KIAA1549: variants seen among roughly 807,000 people sequenced by gnomAD.
KIAA1549 encodes the protein KIAA1549, also known as UPF0606 protein KIAA1549.
In KIAA1549, 70 loss-of-function variants were observed where a neutral mutation model predicts 156.4. That is an observed-to-expected ratio of 0.45 (90% CI 0.37 to 0.55). The LOEUF is 0.55. Among genes scored for constraint, KIAA1549 ranks in the 20% least tolerant of loss-of-function variants. The pLI, the probability that KIAA1549 is intolerant of heterozygous loss-of-function variation, is 0.00. For missense variants in KIAA1549, 2,428 were observed against 2,540.9 expected, an observed-to-expected ratio of 0.96 and a Z score of 0.96; for synonymous variants, 1,103 against 1,066.4, an observed-to-expected ratio of 1.03 and a Z score of -0.67.
Position 138,943,624 on chromosome 7 carries a change from T to C in KIAA1549, c.188-24186A>G, listed in dbSNP as rs573694968. On this transcript the variant is annotated intron_variant, in intron 1 of 19. Coordinates refer to ENST00000422774, the MANE Select transcript of KIAA1549 (RefSeq NM_001164665.2). ...CAGCACTTTGGGAGGCCAAGGCGGG[T>C]GGATCACAAGGTCAGGAGATCGAGA... Among the ~76,000 whole-genome samples, 11 of 151,968 alleles carry C rather than the reference T, an allele frequency of 7.2e-5. No individual in the cohort carries two copies. The East Asian group carries it at 7.7e-4, about 11-fold the overall frequency.
chr7:138,947,387 C>T (rs1234998814), intron 1 of KIAA1549, among the ~76,000 whole-genome samples: 3 of 152,070 alleles, frequency 2.0e-5, no homozygotes, highest in South Asian at 2.1e-4. Context: ...AACCCGAAAA[C>T]GCTGAATGTT....
intron 1 of KIAA1549, among the ~76,000 whole-genome samples, chr7:138,926,632 T>C (rs1295532826): frequency 6.6e-6 from 1 of 152,142 alleles, no homozygotes; most frequent in Non-Finnish European, 1.5e-5. Flanking sequence ...GGCAGATTTT[T>C]AGTGCCGTTA....
At chr7:138,952,426 CACAG>C (rs916309842) in intron 1 of KIAA1549, among the ~76,000 whole-genome samples, 3 of 152,128 alleles carry the variant, frequency 2.0e-5, no homozygotes, top group Non-Finnish European at 2.9e-5. Context: ...AGTTTGAGAG[CACAG>C]ACAAACAAAC....
rs1467765396 is a variant in KIAA1549, at chr7:138,917,273, G to C, written c.2353C>G (p.Gln785Glu). Residue 785 changes from glutamine to glutamate, a missense_variant, in exon 2 of 20, where the codon CAA becomes GAA. Gln to Glu is a conservative substitution (Grantham distance 29). Around this residue, in one of 5 missense-constraint regions of KIAA1549, gnomAD observed 762 missense variants for 901.6 expected, o/e 0.85. Transcript: ENST00000422774. ...ESFDILTAGI[Q>E]ATSPLTTVHT... is the part of the protein sequence containing the mutation. ...ACAGTGGTCAATGGTGATGTTGCTTGAATCCCGGCAGTCAAAATGTCAAAA... is the reference window on the plus strand; with the variant it reads ...ACAGTGGTCAATGGTGATGTTGCTTCAATCCCGGCAGTCAAAATGTCAAAA... The C allele has an allele frequency of 6.2e-7, 1 of 1,613,898 alleles. No individual in the cohort carries two copies. Among genetic ancestry groups the C allele is most frequent in the Non-Finnish European group, 8.5e-7 (1 of 1,179,832 alleles).
intron 10 of KIAA1549, among the ~76,000 whole-genome samples, chr7:138,888,528 C>T (rs10256592): frequency 0.024 from 3,726 of 152,318 alleles, 150 homozygotes; most frequent in African/African-American, 0.085. Context: ...CGTTTGGATT[C>T]TACCATAATG....
In KIAA1549 at chr7:138,881,542, G is replaced by A; in HGVS notation, c.4075C>T (p.His1359Tyr). Residue 1359 changes from histidine (H) to tyrosine (Y), a missense_variant, in exon 11 of 20, where the codon CAT becomes TAT. His to Tyr is a moderately conservative substitution (Grantham distance 83). Coordinates refer to ENST00000422774, the MANE Select transcript of KIAA1549 (RefSeq NM_001164665.2). ...SVKGFDFAKQ[H>Y]LGQHNKDDIL... is the part of the protein sequence containing the mutation. ...TCGTCTTTATTGTGCTGACCCAGAT[G>A]CTGCTTAGCAAAATCGAAGCCCTTC... 6.2e-7 allele frequency: 1 copy of A among 1,613,906 alleles called. No homozygotes were observed. The highest frequency in any genetic ancestry group is 8.5e-7 in the Non-Finnish European group (1 of 1,179,866).
intron 18 of KIAA1549, among the ~76,000 whole-genome samples, chr7:138,841,892 TAA>T (rs201550744): frequency 5.6e-5 from 8 of 141,624 alleles, no homozygotes; most frequent in Non-Finnish European, 3.0e-5. Flanking sequence ...CAACCACATT[TAA>T]AAAAAAAAAA....
rs767020306 is a variant in KIAA1549 at position 138,918,197 on chromosome 7, C to A, written c.1429G>T (p.Asp477Tyr). 1.9e-6 allele frequency: 3 copies of A among 1,613,766 alleles called. No homozygotes were observed. Among genetic ancestry groups the A allele is most frequent in the Non-Finnish European group, 2.5e-6 (3 of 1,179,780 alleles). Residue 477 changes from aspartate to tyrosine, a missense_variant, in exon 2 of 20, where the codon GAT (aspartate) becomes TAT (tyrosine). Physicochemically the swap from Asp to Tyr is radical, Grantham distance 160 (BLOSUM62 -3). This residue lies in a region of KIAA1549 where 893 missense variants were observed against 847.9 expected (regional missense o/e 1.05). Coordinates refer to ENST00000422774, the MANE Select transcript of KIAA1549 (RefSeq NM_001164665.2). The surrounding 1 kb of genome is among the most constrained non-coding windows in gnomAD (Gnocchi z 4.2). ...VVADFSEFEEDPQVFNTLFPS... is the reference protein window; with the variant it reads ...VVADFSEFEEYPQVFNTLFPS... ...AAAAGCGTATTAAATACTTGAGGAT[C>A]TTCCTCAAATTCAGAGAAGTCTGCT...
At chr7:138,885,026 T>A (rs998764469) in intron 10 of KIAA1549, among the ~76,000 whole-genome samples, 4 of 152,156 alleles carry the variant, frequency 2.6e-5, no homozygotes, top group African/African-American at 9.7e-5. Context: ...AGAAACCTCA[T>A]CTCTACTAAA....
chr7:138,895,582 G>C (rs934402188), intron 9 of KIAA1549, among the ~76,000 whole-genome samples: 9 of 151,944 alleles, frequency 5.9e-5, no homozygotes, highest in Non-Finnish European at 1.3e-4. Context: ...AAAACTCATA[G>C]AAAGCTTCTG....
intron 1 of KIAA1549, among the ~76,000 whole-genome samples, chr7:138,940,643 T>A (rs1813157119): frequency 6.6e-6 from 1 of 152,022 alleles, no homozygotes; most frequent in South Asian, 2.1e-4. Context: ...AGTGTAAAAG[T>A]GTTCCTATTT....
intron 18 of KIAA1549, among the ~76,000 whole-genome samples, chr7:138,842,131 C>T (rs1055839008): frequency 3.3e-5 from 5 of 152,208 alleles, no homozygotes; most frequent in Non-Finnish European, 4.4e-5. Flanking sequence ...TTCCCTGTTT[C>T]CAAAGGCTCA....
intron 17 of KIAA1549, 86 bp from the exon 18 acceptor site, chr7:138,844,560 G>A: frequency 8.0e-7 from 1 of 1,245,322 alleles, no homozygotes; most frequent in South Asian, 1.9e-5. Context: ...CCTTACAGAA[G>A]GTAACACTTA....
At chr7:138,861,889 C>G (rs1285354061) in intron 15 of KIAA1549, among the ~76,000 whole-genome samples, 1 of 151,668 alleles carries the variant, frequency 6.6e-6, no homozygotes, top group East Asian at 1.9e-4. Context: ...AAAAAAATGA[C>G]AGCTGAGGAA....
chr7:138,854,139 T>G (rs180755797), intron 16 of KIAA1549, among the ~76,000 whole-genome samples: 190 of 152,336 alleles, frequency 1.2e-3, no homozygotes, highest in Non-Finnish European at 2.1e-3. Flanking sequence ...CATAAAAGTT[T>G]GGGAAACAAA....
intron 1 of KIAA1549, among the ~76,000 whole-genome samples, chr7:138,930,550 A>T (rs1213822462): frequency 6.6e-6 from 1 of 152,240 alleles, no homozygotes; most frequent in Non-Finnish European, 1.5e-5. Flanking sequence ...TACACCTTGT[A>T]CTTCTATGTA....
intron 16 of KIAA1549, among the ~76,000 whole-genome samples, chr7:138,855,512 C>T (rs1264125748): frequency 6.6e-6 from 1 of 152,200 alleles, no homozygotes; most frequent in Non-Finnish European, 1.5e-5. Context: ...GAAGAATCAG[C>T]AAAGTTCTGG....
intron 8 of KIAA1549, 27 bp downstream of exon 8, chr7:138,903,561 T>C: frequency 6.2e-7 from 1 of 1,608,516 alleles, no homozygotes; most frequent in African/African-American, 1.3e-5. Flanking sequence ...CTCTCTCTCC[T>C]TCCCCTCCTC....
At chr7:138,910,434 G>A (rs1426839624) in intron 4 of KIAA1549, among the ~76,000 whole-genome samples, 1 of 138,066 alleles carries the variant, frequency 7.2e-6, no homozygotes, top group Non-Finnish European at 1.5e-5. Flanking sequence ...GTCTCACTCT[G>A]TTGTCCAAGC....
Sources: gnomAD v4.1 joint callset for allele counts (sites outside exome capture counted in the v4.1 genomes callset) on GRCh38, gnomAD v4.1.1 for gene constraint, gnomAD v4.1.1 regional missense constraint, Gnocchi (gnomAD v3.1) non-coding constraint, MANE v1.5 for transcripts, NCBI Gene and HGNC (gene_info 2026-07-23, HGNC 2026-07-21) for gene names.